DENND1A: variants seen among roughly 807,000 people sequenced by gnomAD.
DENND1A encodes the protein DENN domain-containing protein 1A.
DENND1A carries 51 observed loss-of-function variants against 113.7 expected under a neutral mutation model. The ratio of observed to expected loss-of-function variants is 0.45; its 90% CI spans 0.36 to 0.57. The LOEUF is 0.57. DENND1A is among the 20% of genes least tolerant of loss of function. The probability of loss-of-function intolerance (pLI) is 0.00; values close to 1 mark genes in which losing one functional copy is unlikely to be tolerated. For synonymous variants in DENND1A, 565 were observed against 570.8 expected, an observed-to-expected ratio of 0.99 and a Z score of 0.14; for missense variants, 1,258 against 1,395.9, an observed-to-expected ratio of 0.90 and a Z score of 1.57.
chr9:123,509,482 G>C (rs1564622850), intron 13 of DENND1A, among the ~76,000 whole-genome samples: 1 of 152,212 alleles, frequency 6.6e-6, no homozygotes, highest in Admixed American at 6.5e-5. Flanking sequence ...TCTTACACAG[G>C]AGAGGTGCTC....
chr9:123,423,628 G>A (rs2045488665), intron 19 of DENND1A, among the ~76,000 whole-genome samples: 1 of 152,160 alleles, frequency 6.6e-6, no homozygotes, highest in South Asian at 2.1e-4. Context: ...AAAGCTTTCC[G>A]TGGTTGTTAA....
intron 13 of DENND1A, among the ~76,000 whole-genome samples, chr9:123,469,610 T>C (rs1190811990): frequency 6.6e-6 from 1 of 152,170 alleles, no homozygotes; most frequent in Non-Finnish European, 1.5e-5. Flanking sequence ...GGAGACACAA[T>C]GAAGGTGGTA....
At chr9:123,592,019 T>C (rs530182913) in intron 11 of DENND1A, among the ~76,000 whole-genome samples, 16 of 152,198 alleles carry the variant, frequency 1.1e-4, no homozygotes, top group Non-Finnish European at 2.2e-4. Context: ...AGTTCTTTAC[T>C]TCTGAGCCTC....
chr9:123,887,530 A>G (rs187476712), intron 1 of DENND1A, among the ~76,000 whole-genome samples: 3 of 152,070 alleles, frequency 2.0e-5, no homozygotes, highest in Admixed American at 2.0e-4. Context: ...AGGGCATCCC[A>G]ACACAGGGTG....
At chr9:123,878,850 A>G (rs1181532874) in intron 2 of DENND1A, 101 bp downstream of exon 2, 4 of 1,204,104 alleles carry the variant, frequency 3.3e-6, no homozygotes, top group African/African-American at 3.0e-5. Context: ...AACATACTTA[A>G]AGACAAATAA....
At chr9:123,826,338 G>A (rs1051320227) in intron 2 of DENND1A, among the ~76,000 whole-genome samples, 1 of 152,108 alleles carries the variant, frequency 6.6e-6, no homozygotes, top group South Asian at 2.1e-4. Flanking sequence ...GGGAGGTGGA[G>A]GATGCAATGA....
At chr9:123,863,312 C>CA (rs1275033824) in intron 2 of DENND1A, among the ~76,000 whole-genome samples, 2 of 152,188 alleles carry the variant, frequency 1.3e-5, no homozygotes, top group African/African-American at 4.8e-5. Flanking sequence ...AAGCTACACT[C>CA]AGAGTTGATT....
chr9:123,795,192 C>T (rs896644787), intron 2 of DENND1A, among the ~76,000 whole-genome samples: 1 of 152,036 alleles, frequency 6.6e-6, no homozygotes, highest in East Asian at 1.9e-4. Context: ...TTTTTAAAAC[C>T]AAGTCAACCT....
At chr9:123,552,803 C>A (rs2057180697) in intron 13 of DENND1A, among the ~76,000 whole-genome samples, 1 of 152,272 alleles carries the variant, frequency 6.6e-6, no homozygotes, top group African/African-American at 2.4e-5. Flanking sequence ...CTTTCTCTCA[C>A]ACCTTATGTG....
At chr9:123,606,847 A>C (rs17214837) in intron 11 of DENND1A, among the ~76,000 whole-genome samples, 6,501 of 152,364 alleles carry the variant, frequency 0.043, 172 homozygotes, top group South Asian at 0.058. Context: ...ACAAGGAAGC[A>C]AACAGCTATT....
rs1430443856 is a variant in DENND1A, at chr9:123,929,944, G to C, written c.-39C>G. 1.0e-5 allele frequency: 3 copies of C among 299,500 alleles called. No individual in the cohort carries two copies. Among genetic ancestry groups the C allele is most frequent in the East Asian group, 6.1e-5 (1 of 16,394 alleles). 18.6% of individuals were successfully genotyped at this position (299,500 alleles called of 1,614,324 possible). ...CCTCATGGGCCCGCGGGCCCCGCTC[G>C]GCGCTGCGCTGCCCGCCCGCCCGCG... On this transcript the variant is annotated 5_prime_UTR_variant, in exon 1 of 24. Transcript: ENST00000394215.
At chr9:123,508,825 T>A (rs1331269280) in intron 13 of DENND1A, among the ~76,000 whole-genome samples, 3 of 152,206 alleles carry the variant, frequency 2.0e-5, no homozygotes, top group Non-Finnish European at 4.4e-5. Context: ...AATGTTGTCT[T>A]TTTCCTAACA....
chr9:123,723,540 T>C (rs1179952665), intron 5 of DENND1A, among the ~76,000 whole-genome samples: 2 of 152,178 alleles, frequency 1.3e-5, no homozygotes, highest in Non-Finnish European at 2.9e-5. Flanking sequence ...GGAGCAACCC[T>C]GTGGGAGGTA....
chr9:123,590,811 T>C (rs2059421057), intron 11 of DENND1A, among the ~76,000 whole-genome samples: 1 of 152,168 alleles, frequency 6.6e-6, no homozygotes, highest in Admixed American at 6.5e-5. Context: ...TATACCTCAA[T>C]GAAGTTGATA....
At chr9:123,804,415 A>G (rs572537702) in intron 2 of DENND1A, among the ~76,000 whole-genome samples, 1 of 152,204 alleles carries the variant, frequency 6.6e-6, no homozygotes, top group East Asian at 1.9e-4. Context: ...GCGGCTTCCA[A>G]AGCATCCCAC....
At chr9:123,889,899 G>GA (rs1274391055) in intron 1 of DENND1A, among the ~76,000 whole-genome samples, 1 of 152,002 alleles carries the variant, frequency 6.6e-6, no homozygotes, top group African/African-American at 2.4e-5. Context: ...CTTGAACCTG[G>GA]AAGGCAGAGG....
chr9:123,748,021 GACA>G (rs1254043195), intron 5 of DENND1A, among the ~76,000 whole-genome samples: 3 of 152,096 alleles, frequency 2.0e-5, no homozygotes, highest in South Asian at 4.1e-4. Flanking sequence ...TTAGCTGAAT[GACA>G]ACATTATAGC....
chr9:123,498,791 C>A (rs1401182216), intron 13 of DENND1A, among the ~76,000 whole-genome samples: 2 of 151,660 alleles, frequency 1.3e-5, no homozygotes, highest in Non-Finnish European at 2.9e-5. Context: ...GGCGTGATCT[C>A]GGCTCATTGC....
At chr9:123,394,565 C>G (rs749792183) in intron 21 of DENND1A, among the ~76,000 whole-genome samples, 3 of 152,220 alleles carry the variant, frequency 2.0e-5, no homozygotes, top group African/African-American at 4.8e-5. Flanking sequence ...TTTATTCGGG[C>G]ATTTATTTGA....
Sources: gnomAD v4.1 joint callset for allele counts (sites outside exome capture counted in the v4.1 genomes callset) on GRCh38, gnomAD v4.1.1 for gene constraint, MANE v1.5 for transcripts, NCBI Gene and HGNC (gene_info 2026-07-23, HGNC 2026-07-21) for gene names.